The following EPHB1 variants were observed in gnomAD, a reference collection of about 807,000 sequenced individuals.
EPHB1 encodes EPH receptor B1.
Under a neutral mutation model 94.4 loss-of-function variants are expected in EPHB1, and 30 were observed. That is an observed-to-expected ratio of 0.32 (90% CI 0.24 to 0.43). The LOEUF is 0.43. EPHB1 is among the 20% of genes least tolerant of loss of function. The pLI, the probability that EPHB1 is intolerant of heterozygous loss-of-function variation, is 1.00. For synonymous variants in EPHB1, 522 were observed against 489.1 expected (o/e 1.07, Z -0.89); for missense variants, 1,055 against 1,308.3 (o/e 0.81, Z 2.99).
At chr3:135,190,868 G>T (rs1942437830) in intron 10 of EPHB1, among the ~76,000 whole-genome samples, 1 of 152,140 alleles carries the variant, frequency 6.6e-6, no homozygotes, top group Non-Finnish European at 1.5e-5. Context: ...ACAGTGGAGT[G>T]GATGTGCAAG....
chr3:135,146,338 A>G (rs999965980), intron 5 of EPHB1, among the ~76,000 whole-genome samples: 3 of 152,210 alleles, frequency 2.0e-5, no homozygotes, highest in Non-Finnish European at 4.4e-5. Context: ...AAAGATTAAT[A>G]TGGCTACAGA....
chr3:135,239,920 T>A (rs142745297), intron 12 of EPHB1, among the ~76,000 whole-genome samples: 1 of 152,308 alleles, frequency 6.6e-6, no homozygotes, highest in Non-Finnish European at 1.5e-5. Context: ...CTGGGCTGTG[T>A]AGGTGCTGAT....
chr3:134,948,999 T>G (rs76072148), intron 2 of EPHB1, among the ~76,000 whole-genome samples: 4,067 of 152,234 alleles, frequency 0.027, 136 homozygotes, highest in African/African-American at 0.079. Flanking sequence ...GTTGTGAGTT[T>G]GGGGATGTTA....
At chr3:134,819,488 A>G (rs150200592) in intron 1 of EPHB1, among the ~76,000 whole-genome samples, 409 of 152,316 alleles carry the variant, frequency 2.7e-3, no homozygotes, top group Middle Eastern at 6.8e-3. Context: ...GGAATGAATC[A>G]TATCCCATTA....
chr3:135,019,629 TG>T (rs1378480567), intron 3 of EPHB1, among the ~76,000 whole-genome samples: 3 of 152,244 alleles, frequency 2.0e-5, no homozygotes, highest in African/African-American at 7.2e-5. Context: ...TGTGTGTGTA[TG>T]GGATCACATT....
rs377082315 is a variant in EPHB1 at position 134,996,287 on chromosome 3, A to G, written c.805+44235A>G. ...TGGCTCACTGCAGCCTCATCCTCCC[A>G]GGCTTGGGCAATCCTCCAACTTCAG... On this transcript the variant is annotated intron_variant, in intron 3 of 15. Coordinates refer to ENST00000398015, the MANE Select transcript of EPHB1 (RefSeq NM_004441.5). 6.7e-4 allele frequency among the ~76,000 whole-genome samples: 102 copies of G among 152,226 alleles called. No homozygotes were observed. In the Middle Eastern group the frequency reaches 0.017, roughly 25 times the overall value.
chr3:134,862,499 C>CAAAAA (rs11315176), intron 1 of EPHB1, among the ~76,000 whole-genome samples: 1 of 133,936 alleles, frequency 7.5e-6, no homozygotes, highest in African/African-American at 2.7e-5. Flanking sequence ...CTTGTAAGCT[C>CAAAAA]AAAAAAAAAA....
Position 134,951,483 on chromosome 3 carries a change from G to A in EPHB1, c.236G>A (p.Arg79Gln), listed in dbSNP as rs1933028430. ...NNWLLTTFIN[R>Q]RGAHRIYTEM... ...TGGCTGCTCACCACCTTCATCAACCGGCGGGGGGCCCATCGCATCTACACA... is the reference window on the plus strand; with the variant it reads ...TGGCTGCTCACCACCTTCATCAACCAGCGGGGGGCCCATCGCATCTACACA... The change falls in exon 3 of 16, where the codon CGG (arginine) becomes CAG (glutamine). Residue 79 changes from arginine to glutamine, a missense_variant. Arg to Gln is a conservative substitution (Grantham distance 43). Transcript: ENST00000398015. This position sits in a 1 kb window ranked among gnomAD's most constrained non-coding sequence, Gnocchi z 4.5. 1.9e-6 allele frequency: 3 copies of A among 1,611,900 alleles called. No homozygotes were observed. The highest frequency in any genetic ancestry group is 2.5e-6 in the Non-Finnish European group (3 of 1,179,048).
Position 135,154,194 on chromosome 3 carries a change from T to C in EPHB1, c.1340T>C (p.Met447Thr). The C allele has an allele frequency of 1.2e-6, 2 of 1,614,028 alleles. No homozygotes were observed. The highest frequency in any genetic ancestry group is 1.7e-6 in the Non-Finnish European group (2 of 1,179,872). ...ATCATGCACCAAGTCAGTGCCACTA[T>C]GAGGAGCATCACCTTGTCATGGCCA... ...VPIMHQVSAT[M>T]RSITLSWPQP... Residue 447 changes from methionine to threonine, a missense_variant, in exon 6 of 16, where the codon ATG (methionine) becomes ACG (threonine). By Grantham distance (81) the Met-to-Thr change is moderately conservative. Coordinates refer to ENST00000398015, the MANE Select transcript of EPHB1 (RefSeq NM_004441.5).
intron 3 of EPHB1, among the ~76,000 whole-genome samples, chr3:135,019,334 C>CT (rs1935912106): frequency 6.6e-6 from 1 of 152,150 alleles, no homozygotes; most frequent in Admixed American, 6.5e-5. Context: ...TTTAAAACGG[C>CT]TTCCACCCCA....
Position 134,951,622 on chromosome 3 carries a change from G to A in EPHB1, c.375G>A (p.Lys125=), listed in dbSNP as rs1385314121. 3.1e-6 allele frequency: 5 copies of A among 1,614,116 alleles called. No homozygotes were observed. The highest frequency in any genetic ancestry group is 4.2e-6 in the Non-Finnish European group (5 of 1,179,994). The change falls in exon 3 of 16, where the codon AAG becomes AAA. Residue 125 remains lysine (K), a synonymous_variant. Coordinates refer to ENST00000398015, the MANE Select transcript of EPHB1 (RefSeq NM_004441.5). This position sits in a 1 kb window ranked among gnomAD's most constrained non-coding sequence, Gnocchi z 4.5. ...YETDSVIATK[K]SAFWSEAPYL... The stretch of plus-strand genomic sequence containing the variant: ...CTGACTCTGTCATTGCCACCAAGAA[G>A]TCAGCCTTCTGGTCTGAGGCCCCCT...
intron 3 of EPHB1, among the ~76,000 whole-genome samples, chr3:134,961,697 A>G (rs1331335340): frequency 1.3e-5 from 2 of 152,210 alleles, no homozygotes; most frequent in Admixed American, 1.3e-4. Context: ...TTAACACTGA[A>G]GTTTAACAGT....
At chr3:135,227,371 T>C (rs955576151) in intron 12 of EPHB1, among the ~76,000 whole-genome samples, 1 of 152,196 alleles carries the variant, frequency 6.6e-6, no homozygotes, top group African/African-American at 2.4e-5. Flanking sequence ...ATTACTATCA[T>C]TCATAGTTTG....
intron 5 of EPHB1, among the ~76,000 whole-genome samples, chr3:135,151,638 A>C (rs1461322746): frequency 6.6e-6 from 1 of 152,210 alleles, no homozygotes; most frequent in African/African-American, 2.4e-5. Context: ...TGCCTCTAGA[A>C]CCTAAAAAGT....
intron 12 of EPHB1, among the ~76,000 whole-genome samples, chr3:135,237,730 A>C (rs967985904): frequency 2.0e-5 from 3 of 152,182 alleles, no homozygotes; most frequent in Middle Eastern, 3.2e-3. Flanking sequence ...TGCATTCTTC[A>C]CTGCCCTGAG....
chr3:135,109,999 C>T lies in EPHB1; in HGVS notation c.961+3396C>T, dbSNP rs551981473. On this transcript the variant is annotated intron_variant, in intron 4 of 15. Coordinates refer to ENST00000398015, the MANE Select transcript of EPHB1 (RefSeq NM_004441.5). ...AGGTGAACAGCAATGTGAAACCCCGCACCATGTTGCAGGGCTTGGCTTCTG... is the reference window on the plus strand; with the variant it reads ...AGGTGAACAGCAATGTGAAACCCCGTACCATGTTGCAGGGCTTGGCTTCTG... Among the ~76,000 whole-genome samples, 64 of 152,332 alleles carry T rather than the reference C, an allele frequency of 4.2e-4. 1 individual carries two copies. The East Asian group carries it at 6.0e-3, about 14-fold the overall frequency.
At chr3:135,206,569 G>A (rs965605484) in intron 12 of EPHB1, among the ~76,000 whole-genome samples, 1 of 152,214 alleles carries the variant, frequency 6.6e-6, no homozygotes, top group African/African-American at 2.4e-5. Flanking sequence ...CTTACTGTAG[G>A]TTGGGCATGG....
chr3:135,190,654 A>G lies in EPHB1; in HGVS notation c.1883-1922A>G, dbSNP rs113184583. On this transcript the variant is annotated intron_variant, in intron 10 of 15. Coordinates refer to ENST00000398015, the MANE Select transcript of EPHB1 (RefSeq NM_004441.5). ...ATTACTAAATAAGTTAAGCTATTGTAGTGTTTGTCTATAGAAGATGATGCT... is the reference window on the plus strand; with the variant it reads ...ATTACTAAATAAGTTAAGCTATTGTGGTGTTTGTCTATAGAAGATGATGCT... 3.3e-5 allele frequency among the ~76,000 whole-genome samples: 5 copies of G among 152,334 alleles called. 1 individual carries two copies. Among genetic ancestry groups the G allele is most frequent in the African/African-American group, 1.2e-4 (5 of 41,576 alleles).
intron 5 of EPHB1, among the ~76,000 whole-genome samples, chr3:135,152,329 G>T (rs907032448): frequency 2.8e-4 from 42 of 152,172 alleles, no homozygotes; most frequent in African/African-American, 9.7e-4. Context: ...AAATTGGTGA[G>T]ACTTACCTAA....
Sources: gnomAD v4.1 joint callset for allele counts (sites outside exome capture counted in the v4.1 genomes callset) on GRCh38, gnomAD v4.1.1 for gene constraint, Gnocchi (gnomAD v3.1) non-coding constraint, MANE v1.5 for transcripts, NCBI Gene and HGNC (gene_info 2026-07-23, HGNC 2026-07-21) for gene names.